DCBLD2: variants seen among roughly 807,000 people sequenced by gnomAD.
DCBLD2 encodes the protein discoidin, CUB and LCCL domain containing 2.
In DCBLD2, 54 loss-of-function variants were observed where a neutral mutation model predicts 86.8. The observed-to-expected ratio is 0.62, with a 90% CI of 0.50 to 0.78. DCBLD2 has a LOEUF of 0.78. DCBLD2 is among the 30% of genes least tolerant of loss of function. DCBLD2 has a pLI of 0.00. For missense variants in DCBLD2, 908 were observed against 954.2 expected, an observed-to-expected ratio of 0.95 and a Z score of 0.64; for synonymous variants, 354 against 341.3, an observed-to-expected ratio of 1.04 and a Z score of -0.41.
At chr3:98,873,316 T>C (rs1039299159) in intron 2 of DCBLD2, among the ~76,000 whole-genome samples, 25 of 151,900 alleles carry the variant, frequency 1.6e-4, no homozygotes, top group South Asian at 6.2e-4. Flanking sequence ...AACAGCAAAA[T>C]AAAGACAGAT....
intron 2 of DCBLD2, among the ~76,000 whole-genome samples, chr3:98,870,782 AAAGAAAG>A (rs1354167296): frequency 2.7e-5 from 4 of 150,794 alleles, no homozygotes; most frequent in Non-Finnish European, 5.9e-5. Context: ...AGAAAGAAAG[AAAGAAAG>A]AAAGAAAGAA....
chr3:98,827,939 T>C (rs1202652258), intron 3 of DCBLD2, among the ~76,000 whole-genome samples: 2 of 152,160 alleles, frequency 1.3e-5, no homozygotes, highest in Admixed American at 6.5e-5. Flanking sequence ...TATAGTCAAC[T>C]GAGTTTCAGC....
At chr3:98,896,869 G>C (rs1943759282) in intron 1 of DCBLD2, among the ~76,000 whole-genome samples, 1 of 152,050 alleles carries the variant, frequency 6.6e-6, no homozygotes, top group Non-Finnish European at 1.5e-5. Context: ...CTACTGTTGG[G>C]TCATCATTCC....
rs1238989996 is a variant in DCBLD2 at position 98,893,820 on chromosome 3, C to G, written c.205+7302G>C. On this transcript the variant is annotated intron_variant, in intron 1 of 15. Coordinates refer to ENST00000326840, the MANE Select transcript of DCBLD2 (RefSeq NM_080927.4). Reference sequence around the variant, plus strand: ...AAGAGGAAGAGGACAAGGTTTCAGTCAGGAGGAAGTCATACTGTGCAAGGA... The same window carrying G: ...AAGAGGAAGAGGACAAGGTTTCAGTGAGGAGGAAGTCATACTGTGCAAGGA... Among the ~76,000 whole-genome samples, 3 of 152,176 alleles carry G rather than the reference C, an allele frequency of 2.0e-5. No homozygotes were observed. The East Asian group carries it at 5.8e-4, about 29-fold the overall frequency.
chr3:98,891,720 G>A (rs1012504739), intron 1 of DCBLD2, among the ~76,000 whole-genome samples: 2 of 151,906 alleles, frequency 1.3e-5, no homozygotes, highest in Non-Finnish European at 1.5e-5. Flanking sequence ...TGAACTATAG[G>A]TGACTCCCCA....
intron 1 of DCBLD2, among the ~76,000 whole-genome samples, chr3:98,897,840 A>T (rs1943776982): frequency 6.6e-6 from 1 of 152,120 alleles, no homozygotes; most frequent in Non-Finnish European, 1.5e-5. Context: ...GAAAGTAGGC[A>T]AGCCTTCCAG....
intron 3 of DCBLD2, among the ~76,000 whole-genome samples, chr3:98,833,428 T>C (rs1942360736): frequency 6.6e-6 from 1 of 152,258 alleles, no homozygotes; most frequent in Non-Finnish European, 1.5e-5. Flanking sequence ...GAATTCTATT[T>C]CTGTCATTTC....
chr3:98,855,479 C>A (rs564289135), intron 2 of DCBLD2, among the ~76,000 whole-genome samples: 1 of 152,130 alleles, frequency 6.6e-6, no homozygotes, highest in Non-Finnish European at 1.5e-5. Flanking sequence ...TGTGTACTTA[C>A]GTACATCTTC....
chr3:98,816,804 CAG>C (rs941479365), intron 9 of DCBLD2, among the ~76,000 whole-genome samples: 12 of 152,120 alleles, frequency 7.9e-5, no homozygotes, highest in Non-Finnish European at 1.0e-4. Context: ...CACTTTGAGA[CAG>C]AGTCTCCCTC....
In DCBLD2 at chr3:98,799,054, C is replaced by T. The variant is rs1021589518; in HGVS notation, c.*318G>A. ...CATCTCGAGTTCATTAATGTACCTG[C>T]AGCATTGGTAATAAATACTCTGTGA... On this transcript the variant is annotated 3_prime_UTR_variant, in exon 16 of 16. Coordinates refer to ENST00000326840, the MANE Select transcript of DCBLD2 (RefSeq NM_080927.4). 2.2e-5 allele frequency: 5 copies of T among 224,832 alleles called. No homozygotes were observed. The highest frequency in any genetic ancestry group is 4.6e-5 in the African/African-American group (2 of 43,246). 13.9% of individuals were successfully genotyped at this position (224,832 alleles called of 1,614,324 possible). A position where few individuals can be genotyped will look rare whatever the true frequency, so the allele number is the denominator to read the frequency against.
At chr3:98,843,667 G>T (rs1942661410) in intron 3 of DCBLD2, among the ~76,000 whole-genome samples, 1 of 151,988 alleles carries the variant, frequency 6.6e-6, no homozygotes, top group Admixed American at 6.6e-5. Context: ...TTATACTATT[G>T]GTGTTAATTC....
intron 2 of DCBLD2, among the ~76,000 whole-genome samples, chr3:98,871,913 G>A (rs972053899): frequency 5.9e-5 from 9 of 151,964 alleles, no homozygotes; most frequent in Non-Finnish European, 1.0e-4. Flanking sequence ...CTGGGCATTC[G>A]TTGTTGTTGT....
At chr3:98,863,832 G>C (rs541840756) in intron 2 of DCBLD2, among the ~76,000 whole-genome samples, 2 of 152,232 alleles carry the variant, frequency 1.3e-5, no homozygotes, top group South Asian at 4.2e-4. Flanking sequence ...AAAAGCAATG[G>C]CAACAAAAGC....
chr3:98,799,533 C>T lies in DCBLD2; in HGVS notation c.2167G>A (p.Asp723Asn), dbSNP rs16840208. The T allele has an allele frequency of 6.6e-3, 10,700 of 1,613,970 alleles. 345 individuals are homozygous for T. In the Admixed American group the frequency reaches 0.08, roughly 12 times the overall value. Residue 723 changes from aspartate to asparagine, a missense_variant, in exon 16 of 16, where the codon GAC becomes AAC. Physicochemically the swap from Asp to Asn is conservative, Grantham distance 23 (BLOSUM62 1). Around this residue, in one of 3 missense-constraint regions of DCBLD2, gnomAD observed 606 missense variants for 678.5 expected, o/e 0.89. Transcript: ENST00000326840. The part of the protein sequence containing the change: ...GTYNTLLSRT[D>N]SCSSAQAQYD... ...TGGGCCTGGGCTGAGGAGCAGCTGTCAGTCCTGGAGAGAAGTGTATTGTAA... is the reference window on the plus strand; with the variant it reads ...TGGGCCTGGGCTGAGGAGCAGCTGTTAGTCCTGGAGAGAAGTGTATTGTAA...
intron 1 of DCBLD2, among the ~76,000 whole-genome samples, chr3:98,888,769 G>A (rs1023131649): frequency 1.3e-5 from 2 of 151,950 alleles, no homozygotes; most frequent in Non-Finnish European, 2.9e-5. Context: ...CTAGTGTCTT[G>A]TAGAAAGTAT....
chr3:98,819,138 T>A, intron 8 of DCBLD2, 64 bp downstream of exon 8: 2 of 1,414,480 alleles, frequency 1.4e-6, no homozygotes, highest in Non-Finnish European at 1.9e-6. Context: ...AAATCTTAGA[T>A]GTTACTAGTT....
Position 98,831,500 on chromosome 3 carries a change from CTT to C in DCBLD2, c.572-6136_572-6135del, listed in dbSNP as rs200318910. ...ATTTTGATTATACATATTCTGCTAG[CTT>C]TAAGGTTGGTTTGCTCTTACTTTTC... On this transcript the variant is annotated intron_variant, in intron 3 of 15. Transcript: ENST00000326840. 6.0e-3 allele frequency among the ~76,000 whole-genome samples: 921 copies of C among 152,248 alleles called. 6 individuals carry two copies. The highest frequency in any genetic ancestry group is 0.021 in the African/African-American group (864 of 41,552).
chr3:98,869,678 A>G (rs35947806), intron 2 of DCBLD2, among the ~76,000 whole-genome samples: 9,305 of 152,318 alleles, frequency 0.061, 346 homozygotes, highest in Non-Finnish European at 0.071. Flanking sequence ...CTGATAGTCA[A>G]TGTGAAAATA....
Position 98,901,422 on chromosome 3 carries a change from G to A in DCBLD2, c.-96C>T, listed in dbSNP as rs934637840. 5.0e-6 allele frequency: 6 copies of A among 1,209,726 alleles called. No homozygotes were observed. In the African/African-American group the frequency reaches 6.4e-5, roughly 13 times the overall value. 74.9% of individuals were successfully genotyped at this position (1,209,726 alleles called of 1,614,324 possible). On this transcript the variant is annotated 5_prime_UTR_variant, in exon 1 of 16. Coordinates refer to ENST00000326840, the MANE Select transcript of DCBLD2 (RefSeq NM_080927.4). Reference sequence around the variant, plus strand: ...CCGACCAGGAGACGGCGGCAGCGGCGGGAGAACAAGAGGCAGCCCTCGCCT... The same window carrying A: ...CCGACCAGGAGACGGCGGCAGCGGCAGGAGAACAAGAGGCAGCCCTCGCCT...
Sources: gnomAD v4.1 joint callset for allele counts (sites outside exome capture counted in the v4.1 genomes callset) on GRCh38, gnomAD v4.1.1 for gene constraint, gnomAD v4.1.1 regional missense constraint, MANE v1.5 for transcripts, NCBI Gene and HGNC (gene_info 2026-07-23, HGNC 2026-07-21) for gene names.